Variants in LEPR observed in about 807,000 individuals in gnomAD.
LEPR encodes the protein OB receptor.
LEPR carries 56 observed loss-of-function variants against 114.7 expected under a neutral mutation model. The ratio of observed to expected loss-of-function variants is 0.49; its 90% CI spans 0.39 to 0.61. LEPR has a LOEUF of 0.61. LEPR is among the 20% of genes least tolerant of loss of function. The pLI is 0.00. For synonymous variants in LEPR, 443 were observed against 461.4 expected (o/e 0.96, Z 0.51); for missense variants, 1,202 against 1,352.9 (o/e 0.89, Z 1.75).
intron 6 of LEPR, 46 bp from the exon 7 acceptor site, chr1:65,596,402 C>A: frequency 1.2e-6 from 2 of 1,605,142 alleles, no homozygotes; most frequent in South Asian, 2.2e-5. Flanking sequence ...CTATAATTGT[C>A]ATGAAAATTA....
intron 2 of LEPR, among the ~76,000 whole-genome samples, chr1:65,534,469 G>T (rs1436729546): frequency 1.3e-5 from 2 of 152,088 alleles, no homozygotes; most frequent in Non-Finnish European, 2.9e-5. Context: ...AGCTTACTCG[G>T]GGCTAAGCAT....
chr1:65,511,300 G>T (rs531118666), intron 2 of LEPR, among the ~76,000 whole-genome samples: 2 of 152,212 alleles, frequency 1.3e-5, no homozygotes, highest in African/African-American at 4.8e-5. Flanking sequence ...CTGGAATCTG[G>T]TTAGAAATGA....
At chr1:65,473,805 C>A (rs1173533968) in intron 2 of LEPR, among the ~76,000 whole-genome samples, 9 of 152,120 alleles carry the variant, frequency 5.9e-5, no homozygotes, top group African/African-American at 2.2e-4. Flanking sequence ...TGCAGCAAAC[C>A]AAAACCCGTA....
Position 65,601,841 on chromosome 1 carries a change from A to G in LEPR, c.1286-2A>G. On this transcript the variant is annotated splice_acceptor_variant, in intron 9 of 19. Coordinates refer to ENST00000349533, the MANE Select transcript of LEPR (RefSeq NM_002303.6). LOFTEE classifies it high-confidence loss of function. ...ATTAATATTTTAATATGTTTCAAAT[A>G]GATGTCAATATCAATATCTCATGTG... 6.2e-7 allele frequency: 1 copy of G among 1,611,314 alleles called. No homozygotes were observed. The highest frequency in any genetic ancestry group is 8.5e-7 in the Non-Finnish European group (1 of 1,177,796).
chr1:65,570,888 A>AT, intron 4 of LEPR, 86 bp downstream of exon 4: 1 of 1,121,478 alleles, frequency 8.9e-7, no homozygotes, highest in Non-Finnish European at 1.2e-6. Flanking sequence ...TATGGCTATG[A>AT]TTTTAACATA....
At chr1:65,613,143 G>C (rs1475654365) in intron 14 of LEPR, among the ~76,000 whole-genome samples, 2 of 152,036 alleles carry the variant, frequency 1.3e-5, no homozygotes, top group Non-Finnish European at 2.9e-5. Context: ...ATTTATATTA[G>C]TATGGACAAT....
At chr1:65,489,551 TC>T (rs1647756697) in intron 2 of LEPR, among the ~76,000 whole-genome samples, 1 of 152,194 alleles carries the variant, frequency 6.6e-6, no homozygotes, top group Admixed American at 6.6e-5. Flanking sequence ...GCAAATATTT[TC>T]TCCCATTCTG....
At chr1:65,581,757 C>T (rs1168213362) in intron 5 of LEPR, among the ~76,000 whole-genome samples, 1 of 152,156 alleles carries the variant, frequency 6.6e-6, no homozygotes, top group Non-Finnish European at 1.5e-5. Context: ...GTATATCTCT[C>T]CTCTTACAGC....
chr1:65,511,813 A>C (rs1649048229), intron 2 of LEPR, among the ~76,000 whole-genome samples: 1 of 151,924 alleles, frequency 6.6e-6, no homozygotes, highest in African/African-American at 2.4e-5. Context: ...AGAAAGAGCT[A>C]CTCCCCTTTA....
At chr1:65,492,192 A>G (rs967970119) in intron 2 of LEPR, among the ~76,000 whole-genome samples, 1 of 152,072 alleles carries the variant, frequency 6.6e-6, no homozygotes, top group Non-Finnish European at 1.5e-5. Context: ...TATCTTCTCT[A>G]CTTTACCCCC....
At chr1:65,506,960 C>G (rs751687593) in intron 2 of LEPR, among the ~76,000 whole-genome samples, 13 of 152,144 alleles carry the variant, frequency 8.5e-5, no homozygotes, top group Non-Finnish European at 1.6e-4. Context: ...CCACTGCCAG[C>G]CTTTGGTTAC....
intron 5 of LEPR, among the ~76,000 whole-genome samples, chr1:65,574,130 G>C (rs773664271): frequency 1.3e-5 from 2 of 152,138 alleles, no homozygotes; most frequent in Non-Finnish European, 2.9e-5. Context: ...GGGTTATCTA[G>C]TTAAGCTGGT....
At position 65,613,754 on chromosome 1, in the gene LEPR, C is replaced by T. The variant is rs1365507034; in HGVS notation, c.1996-2254C>T. Among the ~76,000 whole-genome samples the T allele has an allele frequency of 5.5e-5, 6 of 109,424 alleles. 1 individual carries two copies. Among genetic ancestry groups the T allele is most frequent in the African/African-American group, 2.7e-4 (6 of 22,404 alleles). The allele number at this position is 109,424 out of a possible 152,430, so 71.8% of individuals were successfully genotyped here. A position where few individuals can be genotyped will look rare whatever the true frequency, so the allele number is the denominator to read the frequency against. ...CGGCCTGGGCAACAGAGCGAGACTC[C>T]GTCTCAAAAAAAAAAAAAAAAAAAA... On this transcript the variant is annotated intron_variant, in intron 14 of 19. Coordinates refer to ENST00000349533, the MANE Select transcript of LEPR (RefSeq NM_002303.6).
In LEPR at chr1:65,621,438, A is replaced by T. The variant is rs1409331417; in HGVS notation, c.2577A>T (p.Thr859=). 6.2e-7 allele frequency: 1 copy of T among 1,612,884 alleles called. No homozygotes were observed. Among genetic ancestry groups the T allele is most frequent in the African/African-American group, 1.3e-5 (1 of 74,882 alleles). The change falls in exon 18 of 20, where the codon ACA becomes ACT. Residue 859 remains threonine, a synonymous_variant. Coordinates refer to ENST00000349533, the MANE Select transcript of LEPR (RefSeq NM_002303.6). The part of the protein sequence containing the change: ...IISSSILLLG[T]LLISHQRMKK... ...CCTCTTCCATCTTATTGCTTGGAAC[A>T]TTATTAATATCACACCAAAGGTATT...
intron 2 of LEPR, among the ~76,000 whole-genome samples, chr1:65,487,979 CTCTT>C (rs980994702): frequency 5.1e-5 from 7 of 136,268 alleles, no homozygotes; most frequent in Non-Finnish European, 9.5e-5. Flanking sequence ...CTTTCCTTCT[CTCTT>C]TCTTTCATCT....
intron 19 of LEPR, among the ~76,000 whole-genome samples, chr1:65,629,176 T>G (rs1029907947): frequency 6.6e-6 from 1 of 152,164 alleles, no homozygotes; most frequent in African/African-American, 2.4e-5. Context: ...AAAATCTACT[T>G]AAACTTCCAT....
intron 2 of LEPR, among the ~76,000 whole-genome samples, chr1:65,472,532 G>A (rs1235321149): frequency 6.8e-6 from 1 of 147,312 alleles, no homozygotes; most frequent in African/African-American, 2.5e-5. Flanking sequence ...TGACCTGTGT[G>A]CATAGCACAC....
At position 65,596,566 on chromosome 1, in the gene LEPR, A is replaced by G. The variant is rs748328654; in HGVS notation, c.822A>G (p.Ser274=). 2.5e-6 allele frequency: 4 copies of G among 1,612,462 alleles called. No homozygotes were observed. The Admixed American group carries it at 5.0e-5, about 20-fold the overall frequency. ...CACTTCAATATCAAGTGAAATATTC[A>G]GAGAATTCTACAACAGTTATCAGAG... is the stretch of plus-strand genomic sequence containing the variant. ...PFPLQYQVKY[S]ENSTTVIREA... is the part of the protein sequence containing the mutation. The change falls in exon 7 of 20, where the codon TCA becomes TCG. Residue 274 remains serine, a synonymous_variant. Coordinates refer to ENST00000349533, the MANE Select transcript of LEPR (RefSeq NM_002303.6).
chr1:65,518,890 TTTC>T (rs1443218953), intron 2 of LEPR, among the ~76,000 whole-genome samples: 2 of 83,884 alleles, frequency 2.4e-5, no homozygotes, highest in Admixed American at 1.4e-4. Flanking sequence ...TCTTTCTTTC[TTTC>T]TTTCTTTCTT....
Sources: allele counts gnomAD v4.1 joint callset (sites outside exome capture counted in the v4.1 genomes callset), GRCh38; gene constraint gnomAD v4.1.1; transcripts MANE v1.5; gene names NCBI Gene and HGNC (gene_info 2026-07-23, HGNC 2026-07-21).